Variants in CALU observed in about 807,000 individuals in gnomAD.
The protein encoded by CALU is IEF SSP 9302.
CALU carries 13 observed loss-of-function variants against 37.5 expected under a neutral mutation model. That is an observed-to-expected ratio of 0.35 (90% CI 0.23 to 0.55). The LOEUF (loss-of-function observed/expected upper bound fraction) is 0.55. CALU is among the 20% of genes least tolerant of loss of function. The pLI, the probability that CALU is intolerant of heterozygous loss-of-function variation, is 0.89. For missense variants in CALU, 282 were observed against 391.7 expected (o/e 0.72, Z 2.36); for synonymous variants, 114 against 133.8 (o/e 0.85, Z 1.02).
chr7:128,762,643 G>A (rs1315332881), intron 5 of CALU, among the ~76,000 whole-genome samples: 1 of 151,080 alleles, frequency 6.6e-6, no homozygotes, highest in Non-Finnish European at 1.5e-5. Flanking sequence ...ATAGAGCATT[G>A]CAGACGTACA....
chr7:128,739,592 G>A (rs1315504685), intron 1 of CALU, among the ~76,000 whole-genome samples, 160 bp downstream of exon 1: 1 of 152,004 alleles, frequency 6.6e-6, no homozygotes, highest in African/African-American at 2.4e-5. Context: ...GGAGATCCCG[G>A]GACCCTCTGT....
Position 128,748,672 on chromosome 7 carries a change from A to G in CALU, c.89A>G (p.His30Arg). 6.2e-7 allele frequency: 1 copy of G among 1,614,158 alleles called. No homozygotes were observed. Among genetic ancestry groups the G allele is most frequent in the East Asian group, 2.2e-5 (1 of 44,884 alleles). Residue 30 changes from histidine to arginine, a missense_variant, in exon 2 of 7, where the codon CAT (histidine) becomes CGT (arginine). Coordinates refer to ENST00000249364, the MANE Select transcript of CALU (RefSeq NM_001219.5). ...ACAGAAAAGAAGGACCGTGTACATC[A>G]TGAGCCTCAGCTCAGTGACAAGGTT... ...KPTEKKDRVH[H>R]EPQLSDKVHN...
At chr7:128,751,424 A>G (rs1328387567) in intron 2 of CALU, among the ~76,000 whole-genome samples, 1 of 150,940 alleles carries the variant, frequency 6.6e-6, no homozygotes, top group Non-Finnish European at 1.5e-5. Flanking sequence ...AGAAAAGTGC[A>G]CACTTACATA....
intron 3 of CALU, among the ~76,000 whole-genome samples, chr7:128,757,996 CGTAT>C (rs1474316083): frequency 6.6e-6 from 1 of 151,534 alleles, no homozygotes; most frequent in Non-Finnish European, 1.5e-5. Flanking sequence ...TGAGTTTTGA[CGTAT>C]GTATTTACCA....
intron 1 of CALU, among the ~76,000 whole-genome samples, chr7:128,740,658 TG>T (rs962281916): frequency 3.3e-4 from 11 of 33,184 alleles, no homozygotes; most frequent in African/African-American, 5.4e-4. Context: ...GATTGGGGGG[TG>T]GGGGGGTTCC....
At chr7:128,751,581 G>T (rs1044374153) in intron 2 of CALU, among the ~76,000 whole-genome samples, 2 of 152,032 alleles carry the variant, frequency 1.3e-5, no homozygotes, top group African/African-American at 2.4e-5. Context: ...TAAAAAATCA[G>T]CTAGGCATGG....
intron 5 of CALU, among the ~76,000 whole-genome samples, chr7:128,762,856 G>A (rs1343225729): frequency 6.6e-6 from 1 of 151,880 alleles, no homozygotes; most frequent in African/African-American, 2.4e-5. Flanking sequence ...TAATAGAGGC[G>A]GGGTTTCACC....
At chr7:128,755,201 A>C (rs1192621935) in intron 3 of CALU, among the ~76,000 whole-genome samples, 1 of 149,054 alleles carries the variant, frequency 6.7e-6, no homozygotes, top group African/African-American at 2.5e-5. Context: ...TGTCCTAGAT[A>C]CTCAGGAGGC....
chr7:128,748,522 A>C, intron 1 of CALU, 51 bp from the exon 2 acceptor site: 1 of 1,389,234 alleles, frequency 7.2e-7, no homozygotes. Context: ...TTTCTTATTT[A>C]GTTATTAAGC....
chr7:128,759,648 C>T (rs532885447), intron 4 of CALU, 144 bp from the exon 5 acceptor site: 5 of 585,374 alleles, frequency 8.5e-6, no homozygotes, highest in Admixed American at 2.9e-5. Context: ...CATACAGACA[C>T]ACATGCATAC....
intron 5 of CALU, among the ~76,000 whole-genome samples, chr7:128,765,983 GT>G (rs1279325234): frequency 6.6e-6 from 1 of 152,038 alleles, no homozygotes; most frequent in Non-Finnish European, 1.5e-5. Flanking sequence ...TCAAGGTGGA[GT>G]CTCTCTCTCT....
In CALU at chr7:128,746,762, C is replaced by CTTTTTTTTT. The variant is rs71162530; in HGVS notation, c.-11-1795_-11-1787dup. 1.1e-4 allele frequency among the ~76,000 whole-genome samples: 13 copies of CTTTTTTTTT among 122,658 alleles called. 1 individual carries two copies. Among genetic ancestry groups the CTTTTTTTTT allele is most frequent in the East Asian group, 2.1e-4 (1 of 4,688 alleles). The allele number at this position is 122,658 out of a possible 152,430, so 80.5% of individuals were successfully genotyped here. ...CCACCACCCCCGGCCTCATGTCATT[C>CTTTTTTTTT]TTTTTTTTTTTTTTTTTTTTTTTTG... On this transcript the variant is annotated intron_variant, in intron 1 of 6. Coordinates refer to ENST00000249364, the MANE Select transcript of CALU (RefSeq NM_001219.5).
At position 128,759,653 on chromosome 7, in the gene CALU, GCATA is replaced by G. The variant is rs145707443; in HGVS notation, c.583-115_583-112del. ...TGGTTTTAACCATACAGACACACAT[GCATA>G]CATACATACATACATACATACATGT... is the stretch of plus-strand genomic sequence containing the variant. On this transcript the variant is annotated intron_variant, in intron 4 of 6. Coordinates refer to ENST00000249364, the MANE Select transcript of CALU (RefSeq NM_001219.5). 1,390 of 582,106 alleles carry G rather than the reference GCATA, an allele frequency of 2.4e-3. 1 individual carries two copies. The highest frequency in any genetic ancestry group is 3.7e-3 in the East Asian group (113 of 30,676). 36.1% of individuals were successfully genotyped at this position (582,106 alleles called of 1,614,324 possible). A position where few individuals can be genotyped will look rare whatever the true frequency, so the allele number is the denominator to read the frequency against.
chr7:128,765,435 C>G (rs1429290188), intron 5 of CALU, among the ~76,000 whole-genome samples: 2 of 152,176 alleles, frequency 1.3e-5, no homozygotes, highest in African/African-American at 4.8e-5. Flanking sequence ...AGGCTGATCT[C>G]AAACTCACAA....
At chr7:128,757,898 T>G (rs1419884497) in intron 3 of CALU, among the ~76,000 whole-genome samples, 1 of 144,494 alleles carries the variant, frequency 6.9e-6, no homozygotes, top group Admixed American at 7.3e-5. Context: ...TTCAATTTGG[T>G]TGTAATCTAA....
At position 128,770,136 on chromosome 7, in the gene CALU, C is replaced by T. The variant is rs191113826; in HGVS notation, c.*969C>T. On this transcript the variant is annotated 3_prime_UTR_variant, in exon 7 of 7. Coordinates refer to ENST00000249364, the MANE Select transcript of CALU (RefSeq NM_001219.5). ...AAAATTCACTCCTTTCCAATCATGT[C>T]ATTGAAAGTGCCTTTAACGAAAGAA... 2 of 152,664 alleles carry T rather than the reference C, an allele frequency of 1.3e-5. No homozygotes were observed. The highest frequency in any genetic ancestry group is 3.9e-4 in the East Asian group (2 of 5,178). The allele number at this position is 152,664 out of a possible 1,614,324, so 9.5% of individuals were successfully genotyped here. A position where few individuals can be genotyped will look rare whatever the true frequency, so the allele number is the denominator to read the frequency against.
Position 128,758,983 on chromosome 7 carries a change from C to T in CALU, c.528C>T (p.Phe176=), listed in dbSNP as rs1222493257. 6.2e-7 allele frequency: 1 copy of T among 1,613,836 alleles called. No homozygotes were observed. The highest frequency in any genetic ancestry group is 8.5e-7 in the Non-Finnish European group (1 of 1,179,924). ...ACCTCATTGCCACCAAGGAGGAGTTCACAGCTTTCCTGCACCCTGAGGAGT... is the reference window on the plus strand; with the variant it reads ...ACCTCATTGCCACCAAGGAGGAGTTTACAGCTTTCCTGCACCCTGAGGAGT... ...DGDLIATKEE[F]TAFLHPEEYD... is the part of the protein sequence containing the mutation. The change falls in exon 4 of 7, where the codon TTC becomes TTT. Residue 176 remains phenylalanine, a synonymous_variant. Coordinates refer to ENST00000249364, the MANE Select transcript of CALU (RefSeq NM_001219.5).
At chr7:128,750,636 A>G (rs1231386840) in intron 2 of CALU, among the ~76,000 whole-genome samples, 1 of 152,230 alleles carries the variant, frequency 6.6e-6, no homozygotes, top group Non-Finnish European at 1.5e-5. Context: ...ACAGTAACAT[A>G]CGGTTGGGAG....
chr7:128,759,649 A>ACATG (rs1273765591), intron 4 of CALU, 143 bp from the exon 5 acceptor site: 6 of 589,330 alleles, frequency 1.0e-5, no homozygotes, highest in African/African-American at 3.8e-5. Flanking sequence ...ATACAGACAC[A>ACATG]CATGCATACA....
Sources: gnomAD v4.1 joint callset for allele counts (sites outside exome capture counted in the v4.1 genomes callset) on GRCh38, gnomAD v4.1.1 for gene constraint, MANE v1.5 for transcripts, NCBI Gene and HGNC (gene_info 2026-07-23, HGNC 2026-07-21) for gene names.